Variants in LHPP observed in about 807,000 individuals in gnomAD.
LHPP encodes the protein hLHPP.
LHPP carries 24 observed loss-of-function variants against 30.3 expected under a neutral mutation model. The ratio of observed to expected loss-of-function variants is 0.79; its 90% CI spans 0.57 to 1.11. The LOEUF is 1.11. Ranked by LOEUF, LHPP falls within the 50% of genes most tolerant of loss-of-function variation. The probability of loss-of-function intolerance (pLI) is 0.00; values close to 1 mark genes in which losing one functional copy is unlikely to be tolerated. For synonymous variants in LHPP, 150 were observed against 157.1 expected (o/e 0.95, Z 0.34); for missense variants, 356 against 367.2 (o/e 0.97, Z 0.25).
At chr10:124,570,531 A>T (rs1948567792) in intron 6 of LHPP, among the ~76,000 whole-genome samples, 1 of 152,200 alleles carries the variant, frequency 6.6e-6, no homozygotes, top group South Asian at 2.1e-4. Flanking sequence ...TTAGGTTTTT[A>T]ATATATTCAC....
Position 124,478,316 on chromosome 10 carries a change from A to C in LHPP, c.126-5823A>C, listed in dbSNP as rs112599132. Among the ~76,000 whole-genome samples the C allele has an allele frequency of 1.3e-3, 193 of 152,302 alleles. No individual in the cohort carries two copies. Among genetic ancestry groups the C allele is most frequent in the African/African-American group, 4.4e-3 (185 of 41,580 alleles). Reference sequence around the variant, plus strand: ...CAGGGGAGCATGAAAGCAAAGACTCAGGGTGCTATGAGGGCCTCTGGGTCA... The same window carrying C: ...CAGGGGAGCATGAAAGCAAAGACTCCGGGTGCTATGAGGGCCTCTGGGTCA... On this transcript the variant is annotated intron_variant, in intron 1 of 6. Coordinates refer to ENST00000368842, the MANE Select transcript of LHPP (RefSeq NM_022126.4). This position sits in a 1 kb window ranked among gnomAD's most constrained non-coding sequence, Gnocchi z 4.7.
chr10:124,532,805 C>T (rs1447793780), intron 6 of LHPP, among the ~76,000 whole-genome samples: 1 of 152,190 alleles, frequency 6.6e-6, no homozygotes, highest in African/African-American at 2.4e-5. Context: ...ACAGTGCCAG[C>T]ATGTCTGTCC....
chr10:124,467,734 T>TTG (rs1952598089), intron 1 of LHPP, among the ~76,000 whole-genome samples: 1 of 94,246 alleles, frequency 1.1e-5, no homozygotes, highest in African/African-American at 4.1e-5. Context: ...TGTTGTTGTT[T>TTG]TGAGACAGTC....
intron 1 of LHPP, among the ~76,000 whole-genome samples, chr10:124,471,394 A>T (rs1329300739): frequency 1.3e-5 from 1 of 77,336 alleles, no homozygotes; most frequent in African/African-American, 4.8e-5. Context: ...AAAATTATAT[A>T]TATATAATAT....
intron 6 of LHPP, among the ~76,000 whole-genome samples, chr10:124,520,417 G>A (rs1954580596): frequency 6.6e-6 from 1 of 151,984 alleles, no homozygotes; most frequent in South Asian, 2.1e-4. Flanking sequence ...GCCAGGGTGG[G>A]GAGCACGTGC....
intron 6 of LHPP, among the ~76,000 whole-genome samples, chr10:124,564,146 C>G (rs554098125): frequency 1.4e-5 from 2 of 142,246 alleles, no homozygotes; most frequent in African/African-American, 5.2e-5. Flanking sequence ...TTTTTTGAGA[C>G]GGAGTCTCGC....
intron 1 of LHPP, among the ~76,000 whole-genome samples, chr10:124,482,390 C>T (rs183645790): frequency 2.6e-3 from 395 of 152,328 alleles, no homozygotes; most frequent in Non-Finnish European, 4.4e-3. Context: ...GTTTCGGGAC[C>T]TGTCTGAGAA....
rs1948870084 is a variant in LHPP at position 124,590,532 on chromosome 10, C to T, written c.717-22732C>T. Among the ~76,000 whole-genome samples, 1 of 152,148 alleles carries T rather than the reference C, an allele frequency of 6.6e-6. No individual in the cohort carries two copies. The highest frequency in any genetic ancestry group is 1.5e-5 in the Non-Finnish European group (1 of 68,018). On this transcript the variant is annotated intron_variant, in intron 6 of 6. Transcript: ENST00000368842. The surrounding 1 kb of genome is among the most constrained non-coding windows in gnomAD (Gnocchi z 4.3). ...TTGGCTCTCCTGCCAAGCCCCCACC[C>T]AGCACCTGTCCCTTGTGTCATGACT...
At chr10:124,529,460 A>C (rs892397692) in intron 6 of LHPP, among the ~76,000 whole-genome samples, 1 of 152,090 alleles carries the variant, frequency 6.6e-6, no homozygotes, top group Non-Finnish European at 1.5e-5. Flanking sequence ...AAAGTTGCTG[A>C]AAATAGGCCT....
In LHPP at chr10:124,517,851, T is replaced by G. The variant is rs1180008158; in HGVS notation, c.716+580T>G. 6.6e-6 allele frequency among the ~76,000 whole-genome samples: 1 copy of G among 152,214 alleles called. No homozygotes were observed. The highest frequency in any genetic ancestry group is 1.5e-5 in the Non-Finnish European group (1 of 68,038). On this transcript the variant is annotated intron_variant, in intron 6 of 6. Transcript: ENST00000368842. This position sits in a 1 kb window ranked among gnomAD's most constrained non-coding sequence, Gnocchi z 4.1. ...GAGCTCCCAGGCATGTGGAGGGCCC[T>G]GTGGTACCCAAGCTCCAGCTCGCCT...
chr10:124,477,689 A>G (rs1433739896), intron 1 of LHPP, among the ~76,000 whole-genome samples: 1 of 152,158 alleles, frequency 6.6e-6, no homozygotes, highest in Non-Finnish European at 1.5e-5. Flanking sequence ...TCTAGAGAGC[A>G]TCTGGCAAAG....
intron 1 of LHPP, among the ~76,000 whole-genome samples, chr10:124,480,940 C>G (rs1284381705): frequency 2.0e-5 from 3 of 152,156 alleles, no homozygotes; most frequent in Non-Finnish European, 2.9e-5. Flanking sequence ...ACCACTGAAG[C>G]CTGTCTGTTT....
chr10:124,559,663 G>A (rs1389815488), intron 6 of LHPP, among the ~76,000 whole-genome samples: 4 of 152,408 alleles, frequency 2.6e-5, no homozygotes, highest in East Asian at 1.9e-4. Flanking sequence ...CGTATGTCAC[G>A]TAGGATAATG....
In LHPP at chr10:124,517,433, G is replaced by A; in HGVS notation, c.716+162G>A. The A allele has an allele frequency of 2.1e-6, 1 of 472,096 alleles. No homozygotes were observed. Among genetic ancestry groups the A allele is most frequent in the East Asian group, 3.7e-5 (1 of 27,374 alleles). 29.2% of individuals were successfully genotyped at this position (472,096 alleles called of 1,614,324 possible). On this transcript the variant is annotated intron_variant, in intron 6 of 6. Transcript: ENST00000368842. The surrounding 1 kb of genome is among the most constrained non-coding windows in gnomAD (Gnocchi z 4.1). The stretch of plus-strand genomic sequence containing the variant: ...GTAATGGACCTCTAAGAACAGGGCT[G>A]AGTGGTCTTTTATAGCAGACAGTGA...
chr10:124,567,487 G>A (rs1948511511), intron 6 of LHPP, among the ~76,000 whole-genome samples: 1 of 152,256 alleles, frequency 6.6e-6, no homozygotes, highest in Admixed American at 6.5e-5. Flanking sequence ...TTCTTGTCTG[G>A]CCGCCCGGCT....
At chr10:124,499,737 G>T (rs754528643) in intron 5 of LHPP, among the ~76,000 whole-genome samples, 9 of 151,984 alleles carry the variant, frequency 5.9e-5, no homozygotes, top group Non-Finnish European at 1.0e-4. Flanking sequence ...CAGAAGCATG[G>T]GTTGGGGGTC....
intron 6 of LHPP, among the ~76,000 whole-genome samples, chr10:124,602,309 C>T (rs1287984288): frequency 7.9e-5 from 12 of 152,238 alleles, no homozygotes; most frequent in Admixed American, 7.8e-4. Context: ...CACCCCATGG[C>T]GCGCTGTGCA....
intron 3 of LHPP, among the ~76,000 whole-genome samples, chr10:124,495,883 C>T (rs1041805745): frequency 9.9e-5 from 15 of 152,178 alleles, no homozygotes; most frequent in Non-Finnish European, 2.2e-4. Flanking sequence ...GTTTGTTGTT[C>T]GTTTTGCCCA....
intron 5 of LHPP, among the ~76,000 whole-genome samples, chr10:124,515,891 C>T (rs1338617589): frequency 1.3e-5 from 2 of 152,234 alleles, no homozygotes; most frequent in African/African-American, 2.4e-5. Context: ...TCCTCCCTCA[C>T]GTGTGCTGGC....
Sources: gnomAD v4.1 joint callset for allele counts (sites outside exome capture counted in the v4.1 genomes callset) on GRCh38, gnomAD v4.1.1 for gene constraint, Gnocchi (gnomAD v3.1) non-coding constraint, MANE v1.5 for transcripts, NCBI Gene and HGNC (gene_info 2026-07-23, HGNC 2026-07-21) for gene names.